Variants in PDE1C observed in about 807,000 individuals in gnomAD.
PDE1C encodes phosphodiesterase 1C, also known as dual specificity calcium/calmodulin-dependent 3',5'-cyclic nucleotide phosphodiesterase 1C.
PDE1C carries 62 observed loss-of-function variants against 93.1 expected under a neutral mutation model. The observed-to-expected ratio is 0.67, with a 90% CI of 0.54 to 0.82. PDE1C has a LOEUF of 0.82. Among genes scored for constraint, PDE1C ranks in the 40% least tolerant of loss-of-function variants. The probability of loss-of-function intolerance (pLI) is 0.00; values close to 1 mark genes in which losing one functional copy is unlikely to be tolerated. For synonymous variants in PDE1C, 325 were observed against 310.1 expected (o/e 1.05, Z -0.50); for missense variants, 742 against 884.6 (o/e 0.84, Z 2.04).
chr7:32,252,575 C>G (rs1324403881), intron 1 of PDE1C, among the ~76,000 whole-genome samples: 2 of 152,110 alleles, frequency 1.3e-5, no homozygotes, highest in Non-Finnish European at 2.9e-5. Context: ...GCAGAGGGAA[C>G]AGCATTTGCA....
At chr7:32,307,425 A>G (rs1813034625) in intron 1 of PDE1C, among the ~76,000 whole-genome samples, 1 of 152,196 alleles carries the variant, frequency 6.6e-6, no homozygotes, top group Admixed American at 6.5e-5. Flanking sequence ...CCTTCCTCCC[A>G]CATTCTGTTA....
chr7:31,769,113 G>C (rs1795322001), intron 17 of PDE1C, among the ~76,000 whole-genome samples: 1 of 152,020 alleles, frequency 6.6e-6, no homozygotes, highest in African/African-American at 2.4e-5. Context: ...TTTTTTTAAT[G>C]AAAGTCTGTC....
intron 1 of PDE1C, among the ~76,000 whole-genome samples, chr7:32,314,212 A>T (rs948243644): frequency 1.3e-5 from 2 of 152,184 alleles, no homozygotes; most frequent in Non-Finnish European, 1.5e-5. Context: ...GCAAGACAAA[A>T]ATATAATTTA....
At chr7:31,748,427 G>A (rs1056320679), downstream of PDE1C, among the ~76,000 whole-genome samples, 2 of 152,166 alleles carry the variant, frequency 1.3e-5, no homozygotes, top group African/African-American at 4.8e-5. Context: ...TCTTATTCAG[G>A]TGTACAAAAC....
intron 1 of PDE1C, chr7:32,209,543 G>GAAAAAAAAA: frequency 7.3e-7 from 1 of 1,369,354 alleles, no homozygotes; most frequent in Admixed American, 2.3e-5. Context: ...TTTGCAACTA[G>GAAAAAAAAA]AAAAAAAAAA....
At chr7:32,389,696 T>A (rs758450671) in intron 1 of PDE1C, among the ~76,000 whole-genome samples, 7 of 152,238 alleles carry the variant, frequency 4.6e-5, no homozygotes, top group Non-Finnish European at 1.0e-4. Flanking sequence ...GTAAGTAACC[T>A]ACAGGCAGAA....
At chr7:31,998,596 G>C (rs547173771) in intron 2 of PDE1C, among the ~76,000 whole-genome samples, 8 of 152,100 alleles carry the variant, frequency 5.3e-5, no homozygotes, top group African/African-American at 1.9e-4. Flanking sequence ...TTCATAATCA[G>C]GTATATGGTC....
At chr7:31,906,115 A>T (rs1162675627) in intron 2 of PDE1C, among the ~76,000 whole-genome samples, 3 of 152,148 alleles carry the variant, frequency 2.0e-5, no homozygotes, top group Non-Finnish European at 2.9e-5. Context: ...ATGAGAATAG[A>T]CTAATACACT....
intron 3 of PDE1C, among the ~76,000 whole-genome samples, chr7:32,100,156 T>C (rs929487858): frequency 6.6e-6 from 1 of 152,220 alleles, no homozygotes; most frequent in Non-Finnish European, 1.5e-5. Flanking sequence ...CTTTTCAGTT[T>C]TTATTGACAG....
intron 3 of PDE1C, among the ~76,000 whole-genome samples, chr7:32,085,954 T>C (rs1797044023): frequency 6.6e-6 from 1 of 151,056 alleles, no homozygotes; most frequent in Non-Finnish European, 1.5e-5. Context: ...AAGACAGGGA[T>C]GCCCTCTCTC....
intron 16 of PDE1C, among the ~76,000 whole-genome samples, chr7:31,794,041 T>TAGATAGATAGACAGAC (rs1554335955): frequency 8.9e-5 from 8 of 89,586 alleles, no homozygotes; most frequent in East Asian, 7.2e-4. Context: ...GATAGATAGA[T>TAGATAGATAGACAGAC]AGACAGACAG....
chr7:31,628,461 C>CTT, the PDE1C span, among the ~76,000 whole-genome samples: 4 of 140,434 alleles, frequency 2.8e-5, no homozygotes, highest in African/African-American at 1.1e-4. Context: ...TTTTTTTTTT[C>CTT]TTTTTTTTTC....
chr7:32,052,269 T>C (rs1427899724), intron 1 of PDE1C: 1 of 474,716 alleles, frequency 2.1e-6, no homozygotes, highest in Non-Finnish European at 4.3e-6. Context: ...CCACGTCTGT[T>C]ATTTACAGTC....
chr7:31,625,374 A>G, the PDE1C span, among the ~76,000 whole-genome samples: 3 of 152,124 alleles, frequency 2.0e-5, no homozygotes, highest in Non-Finnish European at 4.4e-5. Context: ...AACCAACCCA[A>G]ATGTCCAACA....
intron 1 of PDE1C, among the ~76,000 whole-genome samples, chr7:32,220,780 T>C (rs1806796545): frequency 6.6e-6 from 1 of 152,122 alleles, no homozygotes; most frequent in Non-Finnish European, 1.5e-5. Context: ...ATCGCACCAC[T>C]GCACTCCAGC....
chr7:31,648,693 T>C, the PDE1C span, among the ~76,000 whole-genome samples: 1 of 152,126 alleles, frequency 6.6e-6, no homozygotes. Flanking sequence ...GGCGTCACTG[T>C]CCCCAGAACT....
In PDE1C at chr7:32,420,124, TACACACACACACAC is replaced by T. The variant is rs1156625491; in HGVS notation, c.310+7684_310+7697del. Among the ~76,000 whole-genome samples, 92 of 13,020 alleles carry T rather than the reference TACACACACACACAC, an allele frequency of 7.1e-3. 2 individuals carry two copies. The highest frequency in any genetic ancestry group is 9.4e-3 in the South Asian group (3 of 320). 8.5% of individuals were successfully genotyped at this position (13,020 alleles called of 152,430 possible). ...ATATATATATATATATATATATATA[TACACACACACACAC>T]ACACACACACACACACACACATATA... On this transcript the variant is annotated intron_variant, in intron 1 of 1. Coordinates refer to the PDE1C transcript ENST00000672256.
intron 2 of PDE1C, among the ~76,000 whole-genome samples, chr7:31,888,425 G>C (rs916459099): frequency 1.3e-5 from 2 of 151,806 alleles, no homozygotes; most frequent in Non-Finnish European, 2.9e-5. Flanking sequence ...AATTAGCAAA[G>C]CCAAAACCTG....
At chr7:32,232,391 G>A (rs1312767257) in intron 1 of PDE1C, among the ~76,000 whole-genome samples, 1 of 152,064 alleles carries the variant, frequency 6.6e-6, no homozygotes, top group Admixed American at 6.5e-5. Context: ...AATCCCCTAA[G>A]ATACTGAAAA....
Sources: allele counts gnomAD v4.1 joint callset (sites outside exome capture counted in the v4.1 genomes callset), GRCh38; gene constraint gnomAD v4.1.1; transcripts MANE v1.5; gene names NCBI Gene and HGNC (gene_info 2026-07-23, HGNC 2026-07-21).